SH3RF2: variants seen among roughly 807,000 people sequenced by gnomAD.
SH3RF2 encodes E3 ubiquitin-protein ligase SH3RF2.
SH3RF2 carries 43 observed loss-of-function variants against 59.0 expected under a neutral mutation model. The ratio of observed to expected loss-of-function variants is 0.73; its 90% CI spans 0.57 to 0.94. The LOEUF (loss-of-function observed/expected upper bound fraction) is 0.94. Ranked by LOEUF, SH3RF2 falls within the 40% of genes least tolerant of loss-of-function variation. The probability of loss-of-function intolerance (pLI) is 0.00; values close to 1 mark genes in which losing one functional copy is unlikely to be tolerated. For synonymous variants in SH3RF2, 391 were observed against 391.5 expected (o/e 1.00, Z 0.01); for missense variants, 930 against 940.1 (o/e 0.99, Z 0.14).
intron 2 of SH3RF2, among the ~76,000 whole-genome samples, chr5:145,984,943 G>T (rs1224454591): frequency 1.3e-5 from 2 of 152,160 alleles, no homozygotes; most frequent in African/African-American, 4.8e-5. Flanking sequence ...AATGGCTTGA[G>T]CCCAGAGTTC....
intron 2 of SH3RF2, among the ~76,000 whole-genome samples, chr5:145,996,746 C>T (rs1760169194): frequency 6.6e-6 from 1 of 152,082 alleles, no homozygotes. Flanking sequence ...GTCAAGTTCA[C>T]AGCCCTGTTC....
chr5:145,989,138 T>G (rs11167923), intron 2 of SH3RF2, among the ~76,000 whole-genome samples: 1 of 152,148 alleles, frequency 6.6e-6, no homozygotes, highest in African/African-American at 2.4e-5. Flanking sequence ...ATGCAAATCA[T>G]GTTCACAAAA....
At position 146,049,195 on chromosome 5, in the gene SH3RF2, C is replaced by T. The variant is rs36058593; in HGVS notation, c.1272C>T (p.Val424=). 1.4e-3 allele frequency: 2,315 copies of T among 1,613,996 alleles called. 43 individuals are homozygous for T. The South Asian group carries it at 0.016, about 11-fold the overall frequency. The change falls in exon 7 of 10, where the codon GTC becomes GTT. Residue 424 remains valine (V), a synonymous_variant. Coordinates refer to ENST00000359120, the MANE Select transcript of SH3RF2 (RefSeq NM_152550.4). ...QDGWLRGVSL[V]TGRVGIFPNN... ...GCTGGCTCAGGGGCGTCTCCTTGGTCACCGGGCGAGTCGGCATCTTCCCAA... is the reference window on the plus strand; with the variant it reads ...GCTGGCTCAGGGGCGTCTCCTTGGTTACCGGGCGAGTCGGCATCTTCCCAA...
At chr5:145,960,774 A>G (rs192464095) in intron 2 of SH3RF2, among the ~76,000 whole-genome samples, 4 of 152,330 alleles carry the variant, frequency 2.6e-5, no homozygotes, top group Non-Finnish European at 4.4e-5. Context: ...GAGATAGAAA[A>G]TGAGATTCTT....
chr5:146,078,037 T>C (rs1763369139), intron 9 of SH3RF2, among the ~76,000 whole-genome samples: 1 of 152,094 alleles, frequency 6.6e-6, no homozygotes, highest in South Asian at 2.1e-4. Context: ...GGAAAAGCTC[T>C]CCCTTATGGT....
intron 2 of SH3RF2, among the ~76,000 whole-genome samples, chr5:145,947,991 A>C (rs998924): frequency 0.026 from 3,968 of 152,282 alleles, 198 homozygotes; most frequent in African/African-American, 0.091. Context: ...TGCATGATGC[A>C]GTTAATAAAT....
intron 2 of SH3RF2, among the ~76,000 whole-genome samples, chr5:145,955,571 A>AAGGAAGATCAGGGTATTAGAAAGGT (rs1435265537): frequency 6.6e-6 from 1 of 152,160 alleles, no homozygotes; most frequent in Non-Finnish European, 1.5e-5. Flanking sequence ...TGAAGAGAAA[A>AAGGAAGATCAGGGTATTAGAAAGGT]AGGAAGATCA....
At chr5:146,029,996 G>A (rs974616371) in intron 5 of SH3RF2, among the ~76,000 whole-genome samples, 4 of 152,204 alleles carry the variant, frequency 2.6e-5, no homozygotes, top group African/African-American at 9.6e-5. Context: ...GGTTACGTAT[G>A]CAAAGAATAT....
At chr5:145,939,131 G>A (rs1757713538) in intron 2 of SH3RF2, among the ~76,000 whole-genome samples, 1 of 152,224 alleles carries the variant, frequency 6.6e-6, no homozygotes, top group Non-Finnish European at 1.5e-5. Context: ...GTGGGATAAT[G>A]TGTAAGGGCA....
chr5:145,967,636 A>T (rs991430387), intron 2 of SH3RF2, among the ~76,000 whole-genome samples: 1 of 152,088 alleles, frequency 6.6e-6, no homozygotes, highest in Non-Finnish European at 1.5e-5. Context: ...AGCTGAATTT[A>T]TGGTGAGTTA....
chr5:146,014,538 C>G (rs1323306270), intron 5 of SH3RF2, among the ~76,000 whole-genome samples: 1 of 152,138 alleles, frequency 6.6e-6, no homozygotes, highest in Non-Finnish European at 1.5e-5. Flanking sequence ...ATTGAATGTT[C>G]TCAGGACTGG....
intron 5 of SH3RF2, among the ~76,000 whole-genome samples, chr5:146,030,922 G>C (rs1761721076): frequency 6.6e-6 from 1 of 152,182 alleles, no homozygotes; most frequent in African/African-American, 2.4e-5. Flanking sequence ...GAAACAGTTA[G>C]GCAGTAGTGA....
intron 2 of SH3RF2, among the ~76,000 whole-genome samples, chr5:145,962,215 T>C (rs1455269485): frequency 6.6e-6 from 1 of 152,036 alleles, no homozygotes; most frequent in East Asian, 1.9e-4. Context: ...AAGCCAGAGG[T>C]CTGGGCAGAA....
At chr5:146,005,173 A>G (rs535528633) in intron 4 of SH3RF2, among the ~76,000 whole-genome samples, 30 of 152,282 alleles carry the variant, frequency 2.0e-4, no homozygotes, top group Non-Finnish European at 4.0e-4. Context: ...CTTTAAAAAA[A>G]AAAGAAAGAA....
intron 2 of SH3RF2, among the ~76,000 whole-genome samples, chr5:145,989,020 G>A (rs1759828784): frequency 6.6e-6 from 1 of 152,138 alleles, no homozygotes; most frequent in South Asian, 2.1e-4. Flanking sequence ...TACAATTTTT[G>A]ACCCCTTACC....
intron 2 of SH3RF2, among the ~76,000 whole-genome samples, chr5:145,980,279 T>G (rs1759459944): frequency 6.6e-6 from 1 of 152,210 alleles, no homozygotes; most frequent in Non-Finnish European, 1.5e-5. Context: ...CCCAAATTAA[T>G]TAGGTGTATG....
chr5:146,026,977 G>A (rs1465448534), intron 5 of SH3RF2, among the ~76,000 whole-genome samples: 1 of 152,176 alleles, frequency 6.6e-6, no homozygotes, highest in Non-Finnish European at 1.5e-5. Flanking sequence ...ATTGGGTCAA[G>A]CCAGGAAGCT....
intron 5 of SH3RF2, among the ~76,000 whole-genome samples, chr5:146,020,493 T>G (rs534751785): frequency 1.3e-4 from 20 of 152,282 alleles, no homozygotes; most frequent in African/African-American, 4.8e-4. Flanking sequence ...TGCCCTCATA[T>G]CCATACCCCA....
chr5:146,008,659 C>A (rs538904386), intron 4 of SH3RF2, among the ~76,000 whole-genome samples: 2 of 152,120 alleles, frequency 1.3e-5, no homozygotes, highest in Non-Finnish European at 2.9e-5. Context: ...GTAAAATTTA[C>A]TCTTTTTAAC....
Sources: gnomAD v4.1 joint callset for allele counts (sites outside exome capture counted in the v4.1 genomes callset) on GRCh38, gnomAD v4.1.1 for gene constraint, MANE v1.5 for transcripts, NCBI Gene and HGNC (gene_info 2026-07-23, HGNC 2026-07-21) for gene names.